The following SLC3A2 variants were observed in gnomAD, a reference collection of about 807,000 sequenced individuals.
SLC3A2 encodes amino acid transporter heavy chain SLC3A2.
A neutral mutation model predicts 48.5 loss-of-function variants in SLC3A2; 32 were observed. The observed-to-expected ratio is 0.66, with a 90% CI of 0.50 to 0.89. The LOEUF is 0.89. Among genes scored for constraint, SLC3A2 ranks in the 40% least tolerant of loss-of-function variants. SLC3A2 has a pLI of 0.00. For synonymous variants in SLC3A2, 277 were observed against 288.8 expected, an observed-to-expected ratio of 0.96 and a Z score of 0.41; for missense variants, 587 against 680.7, an observed-to-expected ratio of 0.86 and a Z score of 1.53.
intron 1 of SLC3A2, among the ~76,000 whole-genome samples, chr11:62,874,778 T>C (rs528092949): frequency 9.9e-4 from 151 of 151,836 alleles, no homozygotes; most frequent in African/African-American, 3.5e-3. Flanking sequence ...TTTTCTTTTT[T>C]TTTTTTTTGG....
chr11:62,880,807 G>T, upstream of SLC3A2: 1 of 998,296 alleles, frequency 1.0e-6, no homozygotes, highest in Non-Finnish European at 1.4e-6. Context: ...GCCGCCCACG[G>T]CTGGGGCAGT....
intron 1 of SLC3A2, among the ~76,000 whole-genome samples, chr11:62,867,549 C>A (rs1173656690): frequency 6.6e-6 from 1 of 151,542 alleles, no homozygotes; most frequent in Non-Finnish European, 1.5e-5. Flanking sequence ...TGGTCTCGAT[C>A]CCCTGACCTT....
chr11:62,881,257 A>G lies in SLC3A2; in HGVS notation c.234A>G (p.Val78=). 1 of 1,585,214 alleles carries G rather than the reference A, an allele frequency of 6.3e-7. No homozygotes were observed. Among genetic ancestry groups the G allele is most frequent in the Non-Finnish European group, 8.6e-7 (1 of 1,167,140 alleles). ...AGGTGGCAGGCAGCCCCGGCTGGGT[A>G]CGCACCCGCTGGGCACTGCTGCTGC... ...LLKVAGSPGW[V]RTRWALLLLF... Residue 78 remains valine, a synonymous_variant, in exon 1 of 9, where the codon GTA becomes GTG. Transcript: ENST00000338663. The surrounding 1 kb of genome is among the most constrained non-coding windows in gnomAD (Gnocchi z 4.0).
At chr11:62,861,954 A>G (rs890706295) in intron 1 of SLC3A2, among the ~76,000 whole-genome samples, 3 of 97,844 alleles carry the variant, frequency 3.1e-5, no homozygotes, top group African/African-American at 1.0e-4. Flanking sequence ...GTCCCACTTC[A>G]GCTCACAATC....
In SLC3A2 at chr11:62,881,389, C is replaced by G; in HGVS notation, c.366C>G (p.Ala122=). 6.3e-7 allele frequency: 1 copy of G among 1,596,660 alleles called. No homozygotes were observed. The highest frequency in any genetic ancestry group is 1.7e-5 in the Admixed American group (1 of 59,578). ...LPAQKWWHTG[A]LYRIGDLQAF... is the part of the protein sequence containing the mutation. ...CGCAGAAGTGGTGGCACACGGGCGC[C>G]CTCTACCGCATCGGCGACCTTCAGG... The change falls in exon 1 of 9, where the codon GCC becomes GCG. Residue 122 remains alanine, a synonymous_variant. Coordinates refer to ENST00000338663, the MANE Select transcript of SLC3A2 (RefSeq NM_001013251.3). This position sits in a 1 kb window ranked among gnomAD's most constrained non-coding sequence, Gnocchi z 4.0.
At chr11:62,866,159 C>A (rs2085450660) in intron 1 of SLC3A2, among the ~76,000 whole-genome samples, 1 of 151,712 alleles carries the variant, frequency 6.6e-6, no homozygotes, top group African/African-American at 2.4e-5. Context: ...CTCTTGTCGC[C>A]CAGGCTGGAG....
chr11:62,859,494 C>T (rs539598005), intron 1 of SLC3A2, among the ~76,000 whole-genome samples: 2 of 152,204 alleles, frequency 1.3e-5, no homozygotes, highest in Non-Finnish European at 2.9e-5. Flanking sequence ...CCAGCATGGC[C>T]AACATGGTGA....
At chr11:62,857,697 A>C (rs2085352367) in intron 1 of SLC3A2, among the ~76,000 whole-genome samples, 2 of 47,830 alleles carry the variant, frequency 4.2e-5, no homozygotes, top group Non-Finnish European at 1.3e-4. Flanking sequence ...CCCTGTCTCA[A>C]AAAAAAAAAA....
At chr11:62,859,286 G>A (rs887381604) in intron 1 of SLC3A2, among the ~76,000 whole-genome samples, 2 of 152,122 alleles carry the variant, frequency 1.3e-5, no homozygotes, top group African/African-American at 2.4e-5. Flanking sequence ...AGCACATCTC[G>A]CACCGCCCTT....
rs1304057722 is a variant in SLC3A2, at chr11:62,881,410, T to A, written c.387T>A (p.Leu129=). 5.6e-6 allele frequency: 9 copies of A among 1,593,796 alleles called. No individual in the cohort carries two copies. Among genetic ancestry groups the A allele is most frequent in the Non-Finnish European group, 6.8e-6 (8 of 1,177,218 alleles). ...GCGCCCTCTACCGCATCGGCGACCTTCAGGCCTTCCAGGGCCACGGCGCGG... is the reference window on the plus strand; with the variant it reads ...GCGCCCTCTACCGCATCGGCGACCTACAGGCCTTCCAGGGCCACGGCGCGG... ...HTGALYRIGD[L]QAFQGHGAGN... The change falls in exon 1 of 9, where the codon CTT becomes CTA. Residue 129 remains leucine (L), a synonymous_variant. Transcript: ENST00000338663. The surrounding 1 kb of genome is among the most constrained non-coding windows in gnomAD (Gnocchi z 4.0).
intron 1 of SLC3A2, among the ~76,000 whole-genome samples, chr11:62,872,580 A>T (rs2085528999): frequency 6.6e-6 from 1 of 152,148 alleles, no homozygotes. Flanking sequence ...CCTCCTTTTA[A>T]GAGACTTGGT....
upstream of SLC3A2, among the ~76,000 whole-genome samples, chr11:62,878,802 TCTCA>T (rs543174653): frequency 1.3e-4 from 20 of 148,248 alleles, no homozygotes; most frequent in African/African-American, 5.0e-4. Context: ...TGAGACAGAG[TCTCA>T]CTCTGTCACC....
intron 7 of SLC3A2, among the ~76,000 whole-genome samples, chr11:62,886,183 G>A (rs1234968587): frequency 1.3e-5 from 2 of 152,074 alleles, no homozygotes; most frequent in African/African-American, 4.8e-5. Flanking sequence ...CCAGCTACTG[G>A]GGAGGCTGAG....
upstream of SLC3A2, among the ~76,000 whole-genome samples, chr11:62,877,715 A>T (rs1482821900): frequency 6.6e-6 from 1 of 152,244 alleles, no homozygotes; most frequent in African/African-American, 2.4e-5. Context: ...CATGTACAAG[A>T]TGCAGAGCTC....
intron 1 of SLC3A2, among the ~76,000 whole-genome samples, chr11:62,872,113 CACCAT>C (rs909297344): frequency 1.3e-5 from 2 of 152,136 alleles, no homozygotes; most frequent in Non-Finnish European, 2.9e-5. Flanking sequence ...GACGGGGTTT[CACCAT>C]GTTAGCCAGG....
At chr11:62,873,198 A>AT (rs1020442349) in intron 1 of SLC3A2, among the ~76,000 whole-genome samples, 1 of 151,534 alleles carries the variant, frequency 6.6e-6, no homozygotes, top group African/African-American at 2.4e-5. Context: ...AATTTAAAAA[A>AT]TTTTTTGTGG....
At chr11:62,870,117 ACT>A (rs1329685174) in intron 1 of SLC3A2, among the ~76,000 whole-genome samples, 14 of 139,886 alleles carry the variant, frequency 1.0e-4, no homozygotes, top group Admixed American at 7.0e-4. Context: ...CTTCTTTAAA[ACT>A]CTTTTCTTAT....
chr11:62,877,220 C>T (rs35657900), upstream of SLC3A2, among the ~76,000 whole-genome samples: 31,441 of 151,878 alleles, frequency 0.21, 3,905 homozygotes, highest in Non-Finnish European at 0.29. Context: ...ACCACCACGC[C>T]TGGCTAATTT....
rs1033529184 is a variant in SLC3A2, at chr11:62,887,501, G to A, written c.1144-634G>A. On this transcript the variant is annotated intron_variant, in intron 7 of 8. Transcript: ENST00000338663. ...GTGGATCACCTGAGGTCAAGAGTTC[G>A]AGACCAGCCTAGCCAACATGGTGAA... is the stretch of plus-strand genomic sequence containing the variant. Among the ~76,000 whole-genome samples the A allele has an allele frequency of 1.4e-4, 21 of 152,184 alleles. No homozygotes were observed. In the East Asian group the frequency reaches 1.7e-3, roughly 13 times the overall value.
Sources: gnomAD v4.1 joint callset for allele counts (sites outside exome capture counted in the v4.1 genomes callset) on GRCh38, gnomAD v4.1.1 for gene constraint, Gnocchi (gnomAD v3.1) non-coding constraint, MANE v1.5 for transcripts, NCBI Gene and HGNC (gene_info 2026-07-23, HGNC 2026-07-21) for gene names.